The following TBC1D22A variants were observed in gnomAD, a reference collection of about 807,000 sequenced individuals.
TBC1D22A encodes the protein TBC1 domain family member 22A, also known as putative GTPase activator.
A neutral mutation model predicts 60.2 loss-of-function variants in TBC1D22A; 38 were observed. The observed-to-expected ratio is 0.63, with a 90% CI of 0.49 to 0.83. The LOEUF is 0.83. Among genes scored for constraint, TBC1D22A ranks in the 40% least tolerant of loss-of-function variants. TBC1D22A has a pLI of 0.00. For synonymous variants in TBC1D22A, 302 were observed against 281.7 expected (o/e 1.07, Z -0.72); for missense variants, 628 against 701.0 (o/e 0.90, Z 1.18).
intron 10 of TBC1D22A, among the ~76,000 whole-genome samples, chr22:47,005,413 T>C (rs2061553858): frequency 6.6e-6 from 1 of 150,590 alleles, no homozygotes; most frequent in South Asian, 2.1e-4. Flanking sequence ...TACACATATA[T>C]ACACATACCC....
intron 8 of TBC1D22A, among the ~76,000 whole-genome samples, chr22:46,920,596 A>T (rs1016794995): frequency 5.9e-5 from 9 of 151,778 alleles, no homozygotes; most frequent in African/African-American, 2.2e-4. Context: ...GAATCTGGGG[A>T]CTGTGTCGCA....
At chr22:46,932,966 G>A (rs1016268838) in intron 8 of TBC1D22A, among the ~76,000 whole-genome samples, 12 of 151,960 alleles carry the variant, frequency 7.9e-5, no homozygotes, top group African/African-American at 1.7e-4. Context: ...CTTGTGATCC[G>A]CCTGCCTTGG....
intron 7 of TBC1D22A, among the ~76,000 whole-genome samples, chr22:46,897,640 G>GTTTTTTTTTTTTTTTTTTTT (rs1210846664): frequency 9.2e-6 from 1 of 108,378 alleles, no homozygotes; most frequent in African/African-American, 4.2e-5. Context: ...GTTTCGTTTT[G>GTTTTTTTTTTTTTTTTTTTT]TTTTTTTTTG....
intron 6 of TBC1D22A, among the ~76,000 whole-genome samples, chr22:46,892,533 C>G (rs868190083): frequency 1.2e-4 from 18 of 152,312 alleles, no homozygotes; most frequent in Middle Eastern, 3.4e-3. Context: ...CTGGACCGCA[C>G]TGGACCGCCA....
At chr22:46,981,811 C>A (rs373724198) in intron 9 of TBC1D22A, among the ~76,000 whole-genome samples, 2 of 152,240 alleles carry the variant, frequency 1.3e-5, no homozygotes, top group East Asian at 3.9e-4. Context: ...TACAGTAGAT[C>A]GAGCAGATAA....
chr22:47,145,042 C>T (rs569761480), intron 12 of TBC1D22A, among the ~76,000 whole-genome samples: 15 of 152,322 alleles, frequency 9.8e-5, no homozygotes, highest in East Asian at 9.7e-4. Flanking sequence ...TTAATAAGCG[C>T]GCACCACGTG....
At chr22:47,171,656 G>A (rs1333065052) in intron 12 of TBC1D22A, among the ~76,000 whole-genome samples, 4 of 152,196 alleles carry the variant, frequency 2.6e-5, no homozygotes, top group African/African-American at 9.7e-5. Context: ...GTGTGTTGGG[G>A]TCCCCGGAGA....
chr22:46,935,059 C>G (rs738406), intron 8 of TBC1D22A, among the ~76,000 whole-genome samples: 118,958 of 152,152 alleles, frequency 0.78, 46,960 homozygotes, highest in African/African-American at 0.89. Flanking sequence ...CTGAGTGTCT[C>G]ATCATGCAGG....
intron 4 of TBC1D22A, among the ~76,000 whole-genome samples, chr22:46,866,488 A>G (rs1228089400): frequency 6.6e-6 from 1 of 152,254 alleles, no homozygotes; most frequent in Non-Finnish European, 1.5e-5. Flanking sequence ...TACACCTGTC[A>G]AGCGGCAAGC....
chr22:46,781,902 C>T (rs1037948338), intron 1 of TBC1D22A, among the ~76,000 whole-genome samples: 1 of 152,198 alleles, frequency 6.6e-6, no homozygotes, highest in Non-Finnish European at 1.5e-5. Flanking sequence ...AACTAATGGC[C>T]CCTGCCTTGC....
intron 11 of TBC1D22A, among the ~76,000 whole-genome samples, chr22:47,057,044 G>T (rs1180160964): frequency 1.3e-5 from 2 of 152,234 alleles, no homozygotes; most frequent in Non-Finnish European, 2.9e-5. Context: ...AGCCCACCTG[G>T]CAGGTGCCTG....
At chr22:46,771,573 C>T (rs1369867031) in intron 1 of TBC1D22A, among the ~76,000 whole-genome samples, 1 of 151,922 alleles carries the variant, frequency 6.6e-6, no homozygotes, top group East Asian at 1.9e-4. Flanking sequence ...GACTTTGCAT[C>T]CTCATGGCTT....
chr22:47,022,750 T>C (rs958676824), intron 10 of TBC1D22A, among the ~76,000 whole-genome samples: 4 of 152,108 alleles, frequency 2.6e-5, no homozygotes, highest in African/African-American at 9.7e-5. Flanking sequence ...CGGAAAACTT[T>C]AGAAGTCCCC....
At chr22:47,001,392 C>T (rs554007816) in intron 10 of TBC1D22A, among the ~76,000 whole-genome samples, 3 of 142,280 alleles carry the variant, frequency 2.1e-5, no homozygotes, top group African/African-American at 7.9e-5. Flanking sequence ...TGCAGTGAGC[C>T]GAGATCGCGC....
chr22:46,762,780 A>G lies in TBC1D22A; in HGVS notation c.-7A>G. ...TGGGCCGCGGGTCTGAGGGATGAGG[A>G]GGGGCCATGGCCAGCGACGGGGCCA... On this transcript the variant is annotated 5_prime_UTR_variant, in exon 1 of 13. Coordinates refer to ENST00000337137, the MANE Select transcript of TBC1D22A (RefSeq NM_014346.5). 1 of 1,442,886 alleles carries G rather than the reference A, an allele frequency of 6.9e-7. No homozygotes were observed. Among genetic ancestry groups the G allele is most frequent in the South Asian group, 1.5e-5 (1 of 67,178 alleles). 89.4% of individuals were successfully genotyped at this position (1,442,886 alleles called of 1,614,324 possible).
At chr22:46,774,867 C>G (rs117630983) in intron 1 of TBC1D22A, among the ~76,000 whole-genome samples, 1 of 152,200 alleles carries the variant, frequency 6.6e-6, no homozygotes, top group Non-Finnish European at 1.5e-5. Context: ...TTCTCATGTG[C>G]GCTGTGTGCA....
intron 4 of TBC1D22A, among the ~76,000 whole-genome samples, chr22:46,848,722 A>G (rs532669384): frequency 3.3e-5 from 5 of 152,372 alleles, no homozygotes; most frequent in African/African-American, 9.6e-5. Flanking sequence ...TTCTGTTGCA[A>G]ATAGTCATAA....
chr22:46,818,132 T>C (rs1390220172), intron 4 of TBC1D22A, among the ~76,000 whole-genome samples: 2 of 152,260 alleles, frequency 1.3e-5, no homozygotes, highest in South Asian at 2.1e-4. Context: ...AAGTTCCTTG[T>C]AGATTCTGGA....
rs140978512 is a variant in TBC1D22A, at chr22:46,914,125, A to C, written c.1015+1937A>C. ...ACATACCATTTATTTCTGTCAGTCAACTATTAAGTGGACATATAAAAATGT... is the reference window on the plus strand; with the variant it reads ...ACATACCATTTATTTCTGTCAGTCACCTATTAAGTGGACATATAAAAATGT... On this transcript the variant is annotated intron_variant, in intron 8 of 12. Coordinates refer to ENST00000337137, the MANE Select transcript of TBC1D22A (RefSeq NM_014346.5). The C allele has an allele frequency of 2.0e-5, 3 of 152,214 alleles. No individual in the cohort carries two copies. The East Asian group carries it at 5.8e-4, about 29-fold the overall frequency. The allele number at this position is 152,214 out of a possible 1,614,324, so 9.4% of individuals were successfully genotyped here.
Sources: allele counts gnomAD v4.1 joint callset (sites outside exome capture counted in the v4.1 genomes callset), GRCh38; gene constraint gnomAD v4.1.1; transcripts MANE v1.5; gene names NCBI Gene and HGNC (gene_info 2026-07-23, HGNC 2026-07-21).